PIWIL1: variants seen among roughly 807,000 people sequenced by gnomAD.
The protein encoded by PIWIL1 is piwi like RNA-mediated gene silencing 1.
Under a neutral mutation model 114.4 loss-of-function variants are expected in PIWIL1, and 73 were observed. That is an observed-to-expected ratio of 0.64 (90% confidence interval 0.53 to 0.78). The LOEUF (loss-of-function observed/expected upper bound fraction) is 0.78, where lower values mean the gene tolerates loss of function less well. PIWIL1 is among the 30% of genes least tolerant of loss of function. PIWIL1 has a pLI of 0.00. For missense variants in PIWIL1, 723 were observed against 1,063.1 expected, an observed-to-expected ratio of 0.68 and a Z score of 4.45; for synonymous variants, 375 against 369.0, an observed-to-expected ratio of 1.02 and a Z score of -0.19.
At chr12:130,390,518 T>A in the PIWIL1 span, among the ~76,000 whole-genome samples, 1 of 152,158 alleles carries the variant, frequency 6.6e-6, no homozygotes, top group South Asian at 2.1e-4. Context: ...CAGCCCAGGT[T>A]TCCCCTGCTC....
chr12:130,389,861 C>G, the PIWIL1 span, among the ~76,000 whole-genome samples: 1 of 152,124 alleles, frequency 6.6e-6, no homozygotes, highest in Non-Finnish European at 1.5e-5. Flanking sequence ...CATTGCTTTC[C>G]CTGCATCCTG....
At chr12:130,412,599 G>A in the PIWIL1 span, 11 of 1,609,406 alleles carry the variant, frequency 6.8e-6, no homozygotes, top group Admixed American at 1.7e-5. Flanking sequence ...AGGGAAGGTC[G>A]AATAGGGGTT....
At chr12:130,377,072 G>A (rs1032023765), downstream of PIWIL1, among the ~76,000 whole-genome samples, 12 of 152,108 alleles carry the variant, frequency 7.9e-5, no homozygotes, top group East Asian at 1.9e-4. Context: ...CCTACCCTTC[G>A]CCTCTCCTCC....
At chr12:130,410,693 T>G in the PIWIL1 span, among the ~76,000 whole-genome samples, 1 of 152,334 alleles carries the variant, frequency 6.6e-6, no homozygotes, top group East Asian at 1.9e-4. Context: ...GTTTCTGGAC[T>G]TCATTCTGCC....
At chr12:130,373,790 TTGCA>T (rs1185248146), downstream of PIWIL1, among the ~76,000 whole-genome samples, 2 of 152,160 alleles carry the variant, frequency 1.3e-5, no homozygotes, top group Admixed American at 6.5e-5. Context: ...GACAAACCTG[TTGCA>T]TGCGGCGACA....
the PIWIL1 span, chr12:130,407,950 C>T: frequency 1.2e-6 from 1 of 828,860 alleles, no homozygotes; most frequent in South Asian, 1.4e-5. Flanking sequence ...CTAACAGGGC[C>T]ACGTGCTCCT....
At chr12:130,416,936 A>T in the PIWIL1 span, among the ~76,000 whole-genome samples, 1 of 151,990 alleles carries the variant, frequency 6.6e-6, no homozygotes, top group Admixed American at 6.5e-5. Flanking sequence ...ATACAAGCAG[A>T]TAATAAAATA....
At chr12:130,369,977 T>C (rs1051136863) in intron 19 of PIWIL1, among the ~76,000 whole-genome samples, 1 of 152,224 alleles carries the variant, frequency 6.6e-6, no homozygotes, top group African/African-American at 2.4e-5. Context: ...TCACCAGCAC[T>C]GCAAATGGTT....
At chr12:130,377,558 A>C (rs1179329777), downstream of PIWIL1, among the ~76,000 whole-genome samples, 1 of 152,240 alleles carries the variant, frequency 6.6e-6, no homozygotes, top group Non-Finnish European at 1.5e-5. Context: ...AGAAACCTGG[A>C]TTCTAAATCT....
Position 130,337,926 on chromosome 12 carries a change from C to T in PIWIL1, c.-233C>T, listed in dbSNP as rs35997018. 61,994 of 160,406 alleles carry T rather than the reference C, an allele frequency of 0.39. 13,005 individuals carry two copies. Among genetic ancestry groups the T allele is most frequent in the Middle Eastern group, 0.53 (180 of 342 alleles). The allele number at this position is 160,406 out of a possible 1,614,324, so 9.9% of individuals were successfully genotyped here. A position where few individuals can be genotyped will look rare whatever the true frequency, so the allele number is the denominator to read the frequency against. Reference sequence around the variant, plus strand: ...GGCGTACAGACACGAGGCCGGCGCCCGGGAGGCGGTGTTCATCCGCCCGGG... The same window carrying T: ...GGCGTACAGACACGAGGCCGGCGCCTGGGAGGCGGTGTTCATCCGCCCGGG... On this transcript the variant is annotated 5_prime_UTR_variant, in exon 1 of 21. Transcript: ENST00000245255.
rs1270997324 is a variant in PIWIL1, at chr12:130,371,181, AC to A, written c.2328del (p.Phe778LeufsTer3). ...DVEVTRPEWYDFFIVSQAVRS... is the reference protein window; with the variant it reads ...DVEVTRPEWYXFFIVSQAVRS... ...TGTGTTTTCTGTAATTCCAGGTATG[AC>A]TTTTTTATCGTGAGCCAGGCTGTGA... On this transcript the variant is annotated frameshift_variant, in exon 20 of 21. Transcript: ENST00000245255. LOFTEE classifies it high-confidence loss of function. 1.2e-6 allele frequency: 2 copies of A among 1,613,970 alleles called. No homozygotes were observed. Among genetic ancestry groups the A allele is most frequent in the Non-Finnish European group, 8.5e-7 (1 of 1,179,936 alleles).
chr12:130,360,056 T>A (rs536207343), intron 14 of PIWIL1, among the ~76,000 whole-genome samples: 6 of 152,336 alleles, frequency 3.9e-5, no homozygotes, highest in South Asian at 4.1e-4. Context: ...GAGTTTCTTC[T>A]GCCCCGTTGA....
At chr12:130,356,609 G>A (rs2073372536) in intron 12 of PIWIL1, among the ~76,000 whole-genome samples, 1 of 152,154 alleles carries the variant, frequency 6.6e-6, no homozygotes, top group Non-Finnish European at 1.5e-5. Flanking sequence ...AGAAAGAGTA[G>A]CTATACTTGT....
the PIWIL1 span, among the ~76,000 whole-genome samples, chr12:130,404,883 ACTCTAAGTATTAAATT>A: frequency 1.6e-4 from 24 of 152,052 alleles, no homozygotes; most frequent in Non-Finnish European, 3.1e-4. Flanking sequence ...GTCCATAAAT[ACTCTAAGTATTAAATT>A]CCTATTTACA....
rs2073833447 is a variant in PIWIL1, at chr12:130,372,482, TGTG to T, written c.*888_*890del. The T allele has an allele frequency of 6.6e-6, 1 of 151,634 alleles. No homozygotes were observed. The highest frequency in any genetic ancestry group is 2.4e-5 in the African/African-American group (1 of 41,246). 9.4% of individuals were successfully genotyped at this position (151,634 alleles called of 1,614,324 possible). On this transcript the variant is annotated 3_prime_UTR_variant, in exon 21 of 21. Transcript: ENST00000245255. ...TACTAAAAATACAAAATTAGCCAGA[TGTG>T]GTGCCAGGAGGCTGAGGCAGGAGAA...
chr12:130,342,055 G>A (rs1227749188), intron 1 of PIWIL1, among the ~76,000 whole-genome samples: 1 of 152,166 alleles, frequency 6.6e-6, no homozygotes, highest in Non-Finnish European at 1.5e-5. Flanking sequence ...TTCAGTGTAA[G>A]CCACACATGG....
intron 6 of PIWIL1, among the ~76,000 whole-genome samples, chr12:130,347,536 G>A (rs1006391422): frequency 2.7e-4 from 41 of 152,180 alleles, no homozygotes; most frequent in Non-Finnish European, 7.3e-5. Context: ...ATCTGGATAA[G>A]GCTGAAATTT....
chr12:130,350,002 CA>C (rs760725576), intron 9 of PIWIL1, 35 bp downstream of exon 9: 1 of 1,175,546 alleles, frequency 8.5e-7, no homozygotes, highest in Non-Finnish European at 1.3e-6. Flanking sequence ...AGGAGAAATC[CA>C]AAATATCTTT....
At chr12:130,378,539 G>T in the PIWIL1 span, among the ~76,000 whole-genome samples, 1 of 152,078 alleles carries the variant, frequency 6.6e-6, no homozygotes, top group Admixed American at 6.5e-5. Flanking sequence ...TTCATGAAAA[G>T]CTAACAAGCT....
Sources: gnomAD v4.1 joint callset for allele counts (sites outside exome capture counted in the v4.1 genomes callset) on GRCh38, gnomAD v4.1.1 for gene constraint, MANE v1.5 for transcripts, NCBI Gene and HGNC (gene_info 2026-07-23, HGNC 2026-07-21) for gene names.